FRY: variants seen among roughly 807,000 people sequenced by gnomAD.
The protein encoded by FRY is FRY microtubule binding protein, also known as protein furry homolog.
Under a neutral mutation model 348.4 loss-of-function variants are expected in FRY, and 128 were observed. The ratio of observed to expected loss-of-function variants is 0.37; its 90% confidence interval spans 0.32 to 0.43. The LOEUF is 0.43. FRY is among the 20% of genes least tolerant of loss of function. The pLI is 1.00. For missense variants in FRY, 2,736 were observed against 3,695.2 expected (o/e 0.74, Z 6.73); for synonymous variants, 1,370 against 1,374.7 (o/e 1.00, Z 0.08).
rs145719872 is a variant in FRY at position 32,199,516 on chromosome 13, A to G, written c.3747-2425A>G. The stretch of plus-strand genomic sequence containing the variant: ...AAATGTCTGTATATAGACTTGGAAG[A>G]CAGCTGAAATATCAAAATGTTGACA... On this transcript the variant is annotated intron_variant, in intron 29 of 60. Coordinates refer to ENST00000542859, the MANE Select transcript of FRY (RefSeq NM_023037.3). Among the ~76,000 whole-genome samples the G allele has an allele frequency of 6.0e-3, 918 of 152,316 alleles. 3 individuals carry two copies. Among genetic ancestry groups the G allele is most frequent in the Non-Finnish European group, 0.011 (725 of 68,016 alleles).
At chr13:32,041,283 C>CTTTTT (rs11286980) in intron 1 of FRY, among the ~76,000 whole-genome samples, 9 of 65,008 alleles carry the variant, frequency 1.4e-4, no homozygotes, top group Admixed American at 4.7e-4. Flanking sequence ...TAATCTTCTG[C>CTTTTT]TTTTTTTTTT....
chr13:32,222,964 T>C (rs74677233), intron 36 of FRY, among the ~76,000 whole-genome samples: 13,350 of 144,144 alleles, frequency 0.093, 750 homozygotes, highest in East Asian at 0.18. Context: ...AAATTGTGCT[T>C]TTTTTTTGAG....
Position 32,155,654 on chromosome 13 carries a change from A to G in FRY, c.1643A>G (p.Lys548Arg), listed in dbSNP as rs1319066108. The G allele has an allele frequency of 1.2e-6, 2 of 1,611,610 alleles. No individual in the cohort carries two copies. Among genetic ancestry groups the G allele is most frequent in the Admixed American group, 3.3e-5 (2 of 59,984 alleles). The change falls in exon 15 of 61, where the codon AAA becomes AGA. Residue 548 changes from lysine (K) to arginine (R), a missense_variant. Around this residue, in one of 9 missense-constraint regions of FRY, gnomAD observed 191 missense variants for 370.2 expected, o/e 0.52. Coordinates refer to ENST00000542859, the MANE Select transcript of FRY (RefSeq NM_023037.3). ...AAAACACTAACTGAAGAGGAAGCCA[A>G]AATGATAGGTGAGTTTCAGAAGTGC... Reference protein sequence around the residue: ...LSKTLTEEEAKMIGMSLYYSQ... With the variant: ...LSKTLTEEEARMIGMSLYYSQ...
intron 58 of FRY, among the ~76,000 whole-genome samples, chr13:32,285,684 C>T (rs1056868768): frequency 6.6e-6 from 1 of 152,208 alleles, no homozygotes; most frequent in African/African-American, 2.4e-5. Context: ...TTACTCAGCA[C>T]TTGCTTCATT....
At chr13:32,176,827 G>A (rs1482246524) in intron 20 of FRY, among the ~76,000 whole-genome samples, 4 of 152,200 alleles carry the variant, frequency 2.6e-5, no homozygotes, top group East Asian at 1.9e-4. Context: ...TGTGCCAGGT[G>A]TTTTTACAGC....
In FRY at chr13:32,151,795, T is replaced by C. The variant is rs556742294; in HGVS notation, c.1479+1961T>C. 3.9e-5 allele frequency among the ~76,000 whole-genome samples: 6 copies of C among 152,320 alleles called. No individual in the cohort carries two copies. The East Asian group carries it at 9.6e-4, about 24-fold the overall frequency. ...AAATAACCTGAAGTCGGAGGTCTTA[T>C]GTAGTGCTAGCGGCAAGAAGAAGAA... On this transcript the variant is annotated intron_variant, in intron 14 of 60. Transcript: ENST00000542859.
Position 32,239,195 on chromosome 13 carries a change from G to T in FRY, c.6419-57G>T. 9.0e-7 allele frequency: 1 copy of T among 1,116,490 alleles called. No homozygotes were observed. Among genetic ancestry groups the T allele is most frequent in the Non-Finnish European group, 1.4e-6 (1 of 728,680 alleles). The allele number at this position is 1,116,490 out of a possible 1,614,324, so 69.2% of individuals were successfully genotyped here. A position where few individuals can be genotyped will look rare whatever the true frequency, so the allele number is the denominator to read the frequency against. ...AAAATCTGTAACATGCCTTCCCACT[G>T]TTAACAGCTAAAATATACCATATTC... On this transcript the variant is annotated intron_variant, in intron 44 of 60. Coordinates refer to ENST00000542859, the MANE Select transcript of FRY (RefSeq NM_023037.3). The surrounding 1 kb of genome is among the most constrained non-coding windows in gnomAD (Gnocchi z 4.3).
chr13:32,195,608 A>G (rs1883629419), intron 29 of FRY, among the ~76,000 whole-genome samples: 1 of 152,228 alleles, frequency 6.6e-6, no homozygotes, highest in Non-Finnish European at 1.5e-5. Flanking sequence ...ACATCTCACA[A>G]AACATTACAC....
chr13:32,044,720 G>T (rs957125012), intron 1 of FRY, among the ~76,000 whole-genome samples: 1 of 152,166 alleles, frequency 6.6e-6, no homozygotes, highest in African/African-American at 2.4e-5. Context: ...TATCCCAGTT[G>T]CTGGGGGAAC....
intron 51 of FRY, among the ~76,000 whole-genome samples, chr13:32,255,347 C>A (rs566381861): frequency 7.9e-5 from 12 of 152,316 alleles, no homozygotes; most frequent in Admixed American, 5.9e-4. Context: ...CCTTACTTAA[C>A]TACAGGCTTG....
At chr13:32,284,560 A>G (rs528201385) in intron 58 of FRY, among the ~76,000 whole-genome samples, 41 of 152,316 alleles carry the variant, frequency 2.7e-4, no homozygotes, top group African/African-American at 9.9e-4. Context: ...TCTGTATCAT[A>G]GGTGTATTTA....
rs750508483 is a variant in FRY, at chr13:32,294,483, C to A, written c.8696C>A (p.Thr2899Lys). Reference protein sequence around the residue: ...SDGAWSEPTFTSTEAAIQSML... With the variant: ...SDGAWSEPTFKSTEAAIQSML... ...GGCGCGTGGTCCGAGCCCACCTTCA[C>A]GTCCACTGAAGCAGCCATCCAGTCC... is the stretch of plus-strand genomic sequence containing the variant. The change falls in exon 60 of 61, where the codon ACG (threonine) becomes AAG (lysine). Residue 2899 changes from threonine to lysine, a missense_variant. By Grantham distance (78) the Thr-to-Lys change is moderately conservative. Around this residue, in one of 9 missense-constraint regions of FRY, gnomAD observed 157 missense variants for 215.2 expected, o/e 0.73. Coordinates refer to ENST00000542859, the MANE Select transcript of FRY (RefSeq NM_023037.3). 5 of 1,613,968 alleles carry A rather than the reference C, an allele frequency of 3.1e-6. No individual in the cohort carries two copies. In the Admixed American group the frequency reaches 8.3e-5, roughly 27 times the overall value.
intron 1 of FRY, among the ~76,000 whole-genome samples, chr13:32,062,593 G>A (rs1874008695): frequency 6.6e-6 from 1 of 152,014 alleles, no homozygotes; most frequent in Non-Finnish European, 1.5e-5. Flanking sequence ...TTATGTCTTT[G>A]TACATTTCCA....
At chr13:32,223,477 G>T (rs1885421555) in intron 36 of FRY, among the ~76,000 whole-genome samples, 1 of 152,024 alleles carries the variant, frequency 6.6e-6, no homozygotes, top group African/African-American at 2.4e-5. Flanking sequence ...CTCACCAAAT[G>T]AAATCATTAG....
intron 41 of FRY, among the ~76,000 whole-genome samples, chr13:32,233,326 T>G (rs910778605): frequency 1.3e-5 from 2 of 152,218 alleles, no homozygotes; most frequent in Non-Finnish European, 2.9e-5. Flanking sequence ...AGAGACAGCC[T>G]AAGTCTCTGT....
chr13:32,102,004 C>G lies in FRY; in HGVS notation c.312C>G (p.Pro104=). The change falls in exon 3 of 61, where the codon CCC becomes CCG. Residue 104 remains proline (P), a synonymous_variant. Transcript: ENST00000542859. ...AATCTCTGCAACGTGGAGAAGACCC[C>G]CAATTTGATCAGGTATGTGATATAT... ...LTKSLQRGED[P]QFDQVISSMS... The G allele has an allele frequency of 6.5e-7, 1 of 1,544,450 alleles. No individual in the cohort carries two copies. The highest frequency in any genetic ancestry group is 9.0e-7 in the Non-Finnish European group (1 of 1,116,652).
chr13:32,070,717 T>G (rs1243738126), intron 1 of FRY, among the ~76,000 whole-genome samples: 2 of 152,224 alleles, frequency 1.3e-5, no homozygotes, highest in Non-Finnish European at 2.9e-5. Flanking sequence ...TTAGTTTAAT[T>G]AGATCCCATT....
chr13:32,253,650 G>A (rs1028143473), intron 50 of FRY, among the ~76,000 whole-genome samples: 1 of 152,114 alleles, frequency 6.6e-6, no homozygotes, highest in Non-Finnish European at 1.5e-5. Flanking sequence ...AAACCTACAG[G>A]AGAGGAATTT....
At chr13:32,261,464 T>C (rs1434214919) in intron 51 of FRY, 152 bp from the exon 52 acceptor site, 3 of 786,892 alleles carry the variant, frequency 3.8e-6, no homozygotes, top group Non-Finnish European at 6.9e-6. Flanking sequence ...ACTTTTCACA[T>C]TGGGTAAACA....
Sources: gnomAD v4.1 joint callset for allele counts (sites outside exome capture counted in the v4.1 genomes callset) on GRCh38, gnomAD v4.1.1 for gene constraint, gnomAD v4.1.1 regional missense constraint, Gnocchi (gnomAD v3.1) non-coding constraint, MANE v1.5 for transcripts, NCBI Gene and HGNC (gene_info 2026-07-23, HGNC 2026-07-21) for gene names.